NSL1: variants seen among roughly 807,000 people sequenced by gnomAD.
The protein encoded by NSL1 is NSL1 component of MIS12 kinetochore complex.
A neutral mutation model predicts 25.4 loss-of-function variants in NSL1; 11 were observed. The ratio of observed to expected loss-of-function variants is 0.43; its 90% CI spans 0.27 to 0.72. The LOEUF (loss-of-function observed/expected upper bound fraction) is 0.72. Among genes scored for constraint, NSL1 ranks in the 30% least tolerant of loss-of-function variants. The pLI is 0.19. For synonymous variants in NSL1, 118 were observed against 120.6 expected, an observed-to-expected ratio of 0.98 and a Z score of 0.14; for missense variants, 330 against 342.7, an observed-to-expected ratio of 0.96 and a Z score of 0.29.
intron 4 of NSL1, among the ~76,000 whole-genome samples, chr1:212,778,534 G>A (rs1055105886): frequency 2.6e-5 from 4 of 152,108 alleles, no homozygotes; most frequent in East Asian, 1.9e-4. Flanking sequence ...GAGTGCCTGC[G>A]ATTGCAGGCG....
At position 212,738,428 on chromosome 1, in the gene NSL1, T is replaced by G. The variant is rs373491808; in HGVS notation, c.826A>C (p.Lys276Gln). The stretch of plus-strand genomic sequence containing the variant: ...AGAGCTCATGTATCAAGATTAATTT[T>G]CTTTGGCCGCAATGGATACCATTTT... The part of the protein sequence containing the change: ...QRKWYPLRPK[K>Q]INLDT Residue 276 changes from lysine (K) to glutamine (Q), a missense_variant, in exon 6 of 6, where the codon AAA becomes CAA. Transcript: ENST00000366977. The G allele has an allele frequency of 1.2e-6, 2 of 1,611,580 alleles. No homozygotes were observed. Among genetic ancestry groups the G allele is most frequent in the Non-Finnish European group, 8.5e-7 (1 of 1,179,218 alleles).
rs111235313 is a variant in NSL1 at position 212,732,266 on chromosome 1, G to A, written c.*6142C>T. On this transcript the variant is annotated 3_prime_UTR_variant, in exon 6 of 6. Transcript: ENST00000366977. ...CATAGTTAACATTATCACTCGTGTT[G>A]TCACTTTTATTTTTTTCTGAAAATA... is the stretch of plus-strand genomic sequence containing the variant. 29,083 of 970,422 alleles carry A rather than the reference G, an allele frequency of 0.03. 489 individuals carry two copies. The highest frequency in any genetic ancestry group is 0.04 in the South Asian group (839 of 20,884). 60.1% of individuals were successfully genotyped at this position (970,422 alleles called of 1,614,324 possible).
rs1659530018 is a variant in NSL1 at position 212,760,819 on chromosome 1, C to T, written c.500-21218G>A. On this transcript the variant is annotated intron_variant, in intron 4 of 5. Transcript: ENST00000366977. This position sits in a 1 kb window ranked among gnomAD's most constrained non-coding sequence, Gnocchi z 4.3. The stretch of plus-strand genomic sequence containing the variant: ...TGCCTGGACCTGATAACACTAGTAT[C>T]TGTGTACACTGCCAAGGGAACCAAA... Among the ~76,000 whole-genome samples, 2 of 152,196 alleles carry T rather than the reference C, an allele frequency of 1.3e-5. No individual in the cohort carries two copies. The highest frequency in any genetic ancestry group is 4.1e-4 in the South Asian group (2 of 4,832).
At chr1:212,740,693 A>G (rs75184723) in intron 4 of NSL1, among the ~76,000 whole-genome samples, 2,293 of 152,276 alleles carry the variant, frequency 0.015, 59 homozygotes, top group African/African-American at 0.053. Context: ...CCCCTTTCCC[A>G]GTCAATTTTC....
At chr1:212,750,155 G>C (rs942566931) in intron 4 of NSL1, among the ~76,000 whole-genome samples, 3 of 151,736 alleles carry the variant, frequency 2.0e-5, no homozygotes, top group Non-Finnish European at 4.4e-5. Context: ...TGTACAGTAG[G>C]TGTTCAGTAG....
At chr1:212,774,325 G>C (rs1660260032) in intron 4 of NSL1, among the ~76,000 whole-genome samples, 1 of 152,024 alleles carries the variant, frequency 6.6e-6, no homozygotes, top group Non-Finnish European at 1.5e-5. Flanking sequence ...ATTACACATT[G>C]TATATATGTA....
At chr1:212,777,151 A>G (rs923255947) in intron 4 of NSL1, among the ~76,000 whole-genome samples, 1 of 152,112 alleles carries the variant, frequency 6.6e-6, no homozygotes, top group Non-Finnish European at 1.5e-5. Context: ...AGGCAGGAGA[A>G]GCACTTGAGC....
intron 3 of NSL1, 49 bp from the exon 4 acceptor site, chr1:212,782,475 T>C (rs751041795): frequency 7.9e-7 from 1 of 1,269,750 alleles, no homozygotes; most frequent in Non-Finnish European, 1.2e-6. Context: ...ATGCTTCATA[T>C]AAACATCTCT....
In NSL1 at chr1:212,736,312, A is replaced by C. The variant is rs1658230250; in HGVS notation, c.*2096T>G. On this transcript the variant is annotated 3_prime_UTR_variant, in exon 6 of 6. Transcript: ENST00000366977. ...GTGCTGGGATTACAGGCATGAGCCC[A>C]CCGCGCCTGGCTATTTCTTTTCTGA... is the stretch of plus-strand genomic sequence containing the variant. The C allele has an allele frequency of 3.8e-5, 37 of 981,450 alleles. No homozygotes were observed. Among genetic ancestry groups the C allele is most frequent in the Non-Finnish European group, 4.5e-5 (37 of 826,428 alleles). 60.8% of individuals were successfully genotyped at this position (981,450 alleles called of 1,614,324 possible).
intron 4 of NSL1, among the ~76,000 whole-genome samples, chr1:212,761,790 T>TA (rs898973324): frequency 1.4e-4 from 22 of 151,970 alleles, no homozygotes; most frequent in African/African-American, 5.3e-4. Context: ...GATATCATTT[T>TA]AAAAAATCAA....
rs528684769 is a variant in NSL1, at chr1:212,765,918, C to T, written c.499+16454G>A. 3.5e-3 allele frequency among the ~76,000 whole-genome samples: 533 copies of T among 152,036 alleles called. 7 individuals are homozygous for T. The highest frequency in any genetic ancestry group is 0.012 in the African/African-American group (507 of 41,496). On this transcript the variant is annotated intron_variant, in intron 4 of 5. Coordinates refer to ENST00000366977, the MANE Select transcript of NSL1 (RefSeq NM_015471.4). Reference sequence around the variant, plus strand: ...TTGGGAGGCCAAGGTGGGTGGATCACGAGGTCAGGAGATTGAGACCATCCT... The same window carrying T: ...TTGGGAGGCCAAGGTGGGTGGATCATGAGGTCAGGAGATTGAGACCATCCT...
In NSL1 at chr1:212,734,746, C is replaced by G. The variant is rs1475431254; in HGVS notation, c.*3662G>C. Among the ~76,000 whole-genome samples, 1 of 152,216 alleles carries G rather than the reference C, an allele frequency of 6.6e-6. No homozygotes were observed. The highest frequency in any genetic ancestry group is 1.5e-5 in the Non-Finnish European group (1 of 68,040). ...TCCCTGATTATTTGCCTAAAACATT[C>G]AAGACTGCTCAAATGCCACCTCTTC... On this transcript the variant is annotated 3_prime_UTR_variant, in exon 6 of 6. Coordinates refer to ENST00000366977, the MANE Select transcript of NSL1 (RefSeq NM_015471.4).
At chr1:212,740,248 C>T (rs6702101) in intron 4 of NSL1, among the ~76,000 whole-genome samples, 34,540 of 152,082 alleles carry the variant, frequency 0.23, 4,642 homozygotes, top group African/African-American at 0.38. Flanking sequence ...AAAGCAAGTA[C>T]ATAACTATGT....
Position 212,758,405 on chromosome 1 carries a change from C to G in NSL1, c.500-18804G>C, listed in dbSNP as rs577590684. Reference sequence around the variant, plus strand: ...TGACATGATCTTTTATATATAAAATCCTTTAAAACATCCATTAAACAACTA... The same window carrying G: ...TGACATGATCTTTTATATATAAAATGCTTTAAAACATCCATTAAACAACTA... On this transcript the variant is annotated intron_variant, in intron 4 of 5. Coordinates refer to ENST00000366977, the MANE Select transcript of NSL1 (RefSeq NM_015471.4). Among the ~76,000 whole-genome samples the G allele has an allele frequency of 2.0e-5, 3 of 152,124 alleles. No homozygotes were observed. The East Asian group carries it at 5.8e-4, about 29-fold the overall frequency.
intron 4 of NSL1, among the ~76,000 whole-genome samples, chr1:212,776,219 TG>T (rs1181932045): frequency 6.6e-6 from 1 of 151,966 alleles, no homozygotes; most frequent in African/African-American, 2.4e-5. Context: ...CAAAATTAGC[TG>T]GGTGTGGTGG....
chr1:212,790,972 G>T (rs1661210495), intron 1 of NSL1, among the ~76,000 whole-genome samples: 1 of 151,800 alleles, frequency 6.6e-6, no homozygotes, highest in Non-Finnish European at 1.5e-5. Flanking sequence ...CATGCAAAAG[G>T]AAAGATCAAA....
In NSL1 at chr1:212,729,225, G is replaced by C. The variant is rs1018358794; in HGVS notation, c.*9183C>G. The C allele has an allele frequency of 1.0e-6, 1 of 985,256 alleles. No individual in the cohort carries two copies. Among genetic ancestry groups the C allele is most frequent in the East Asian group, 1.1e-4 (1 of 8,824 alleles). 61.0% of individuals were successfully genotyped at this position (985,256 alleles called of 1,614,324 possible). On this transcript the variant is annotated 3_prime_UTR_variant, in exon 6 of 6. Coordinates refer to ENST00000366977, the MANE Select transcript of NSL1 (RefSeq NM_015471.4). ...AGTTTCACTCTCAGGTTCCCTCTAG[G>C]AGCAGAAGTGCAGGTTTGCTTGGGC...
intron 1 of NSL1, among the ~76,000 whole-genome samples, chr1:212,790,044 C>T (rs527900432): frequency 5.9e-5 from 9 of 151,840 alleles, no homozygotes; most frequent in African/African-American, 2.2e-4. Flanking sequence ...GATGGAGTCT[C>T]GCTCTGTCAC....
At chr1:212,767,427 G>A (rs1454954705) in intron 4 of NSL1, among the ~76,000 whole-genome samples, 2 of 152,158 alleles carry the variant, frequency 1.3e-5, no homozygotes, top group South Asian at 2.1e-4. Context: ...ACTCAAGATC[G>A]ATCAAAGACT....
Sources: gnomAD v4.1 joint callset for allele counts (sites outside exome capture counted in the v4.1 genomes callset) on GRCh38, gnomAD v4.1.1 for gene constraint, Gnocchi (gnomAD v3.1) non-coding constraint, MANE v1.5 for transcripts, NCBI Gene and HGNC (gene_info 2026-07-23, HGNC 2026-07-21) for gene names.